Variants in PPP1R21 observed in about 807,000 individuals in gnomAD.
PPP1R21 encodes the protein protein phosphatase 1 regulatory subunit 21, also known as KLRAQ motif containing 1.
A neutral mutation model predicts 112.8 loss-of-function variants in PPP1R21; 85 were observed. The ratio of observed to expected loss-of-function variants is 0.75; its 90% confidence interval spans 0.63 to 0.90. The LOEUF is 0.90. PPP1R21 is among the 40% of genes least tolerant of loss of function. The pLI is 0.00. For synonymous variants in PPP1R21, 381 were observed against 322.3 expected (o/e 1.18, Z -1.95); for missense variants, 1,199 against 901.5 (o/e 1.33, Z -4.23).
intron 1 of PPP1R21, among the ~76,000 whole-genome samples, chr2:48,447,239 A>C (rs1204038596): frequency 6.6e-6 from 1 of 152,226 alleles, no homozygotes; most frequent in Non-Finnish European, 1.5e-5. Flanking sequence ...AAGTAGGGCC[A>C]GTAGGTAAAA....
intron 12 of PPP1R21, among the ~76,000 whole-genome samples, chr2:48,475,768 G>A (rs1572860743): frequency 6.6e-6 from 1 of 152,022 alleles, no homozygotes; most frequent in East Asian, 1.9e-4. Flanking sequence ...AATCGCGTGA[G>A]CCTGGGAGGC....
rs776234389 is a variant in PPP1R21 at position 48,440,877 on chromosome 2, G to A, written c.-77G>A. ...GCAGATACTGCCTGACCCGTTCCCG[G>A]GAGCGTGTCTGGGTTTGGGGGCGGG... On this transcript the variant is annotated 5_prime_UTR_variant, in exon 1 of 22. Transcript: ENST00000294952. The A allele has an allele frequency of 5.1e-5, 55 of 1,073,080 alleles. No individual in the cohort carries two copies. Among genetic ancestry groups the A allele is most frequent in the Non-Finnish European group, 6.8e-5 (49 of 720,446 alleles). The allele number at this position is 1,073,080 out of a possible 1,614,324, so 66.5% of individuals were successfully genotyped here. A position where few individuals can be genotyped will look rare whatever the true frequency, so the allele number is the denominator to read the frequency against.
intron 19 of PPP1R21, among the ~76,000 whole-genome samples, chr2:48,508,473 G>T (rs1488550375): frequency 6.6e-6 from 1 of 152,214 alleles, no homozygotes; most frequent in Admixed American, 6.5e-5. Context: ...GCTTAGCTCA[G>T]TGTTGTTCAC....
At chr2:48,443,780 A>G (rs368564565) in intron 1 of PPP1R21, among the ~76,000 whole-genome samples, 7 of 152,218 alleles carry the variant, frequency 4.6e-5, no homozygotes, top group African/African-American at 1.7e-4. Flanking sequence ...GCCTAAGAGT[A>G]TTCCACCTTT....
At chr2:48,485,888 C>T (rs62138866) in intron 13 of PPP1R21, among the ~76,000 whole-genome samples, 20 of 1,440 alleles carry the variant, frequency 0.014, no homozygotes, top group Middle Eastern at 0.25. Context: ...ATTGTATATA[C>T]TAACTAATAT....
intron 1 of PPP1R21, among the ~76,000 whole-genome samples, chr2:48,443,517 T>C (rs944486250): frequency 2.6e-5 from 4 of 152,104 alleles, no homozygotes; most frequent in African/African-American, 9.7e-5. Flanking sequence ...AGGGTAGAAA[T>C]TGGGAAACAC....
chr2:48,464,901 AT>A, intron 7 of PPP1R21, 35 bp from the exon 8 acceptor site: 1 of 1,513,240 alleles, frequency 6.6e-7, no homozygotes, highest in Non-Finnish European at 8.9e-7. Flanking sequence ...TATATGTGAA[AT>A]GAGAGACTTA....
intron 16 of PPP1R21, among the ~76,000 whole-genome samples, chr2:48,497,497 T>C (rs1331831658): frequency 6.6e-6 from 1 of 152,196 alleles, no homozygotes; most frequent in East Asian, 1.9e-4. Flanking sequence ...TACTGAACTT[T>C]TTATTAAATG....
intron 2 of PPP1R21, 169 bp from the exon 3 acceptor site, chr2:48,454,426 T>G (rs1667621015): frequency 1.4e-6 from 1 of 723,920 alleles, no homozygotes; most frequent in Non-Finnish European, 2.3e-6. Flanking sequence ...AAAGATTATC[T>G]TTTCACAAAG....
intron 15 of PPP1R21, among the ~76,000 whole-genome samples, chr2:48,491,744 G>A (rs1376426182): frequency 6.6e-6 from 1 of 151,820 alleles, no homozygotes; most frequent in African/African-American, 2.4e-5. Context: ...TGCATGTACT[G>A]TTTTAGAATA....
intron 13 of PPP1R21, 84 bp downstream of exon 13, chr2:48,480,100 C>A: frequency 2.2e-6 from 2 of 929,232 alleles, no homozygotes; most frequent in Non-Finnish European, 3.6e-6. Context: ...CAAACACTGC[C>A]AAGGGTAATA....
chr2:48,496,429 C>T (rs184551315), intron 16 of PPP1R21, among the ~76,000 whole-genome samples: 17 of 151,326 alleles, frequency 1.1e-4, no homozygotes, highest in African/African-American at 3.4e-4. Context: ...TGCTGCTGTA[C>T]AGAGAAGAAT....
chr2:48,491,986 T>G (rs1669588142), intron 15 of PPP1R21, among the ~76,000 whole-genome samples: 1 of 152,230 alleles, frequency 6.6e-6, no homozygotes, highest in Non-Finnish European at 1.5e-5. Flanking sequence ...TGGTGTTTCC[T>G]TCTGTAAATT....
chr2:48,461,213 A>G lies in PPP1R21; in HGVS notation c.675A>G (p.Lys225=). 6.3e-7 allele frequency: 1 copy of G among 1,582,000 alleles called. No individual in the cohort carries two copies. ...LEESLSIINE[K]VPFNDTKYSQ... is the part of the protein sequence containing the mutation. ...AATCCTTATCAATCATCAATGAAAAAGTACCTTTTAATGATACAAGTAGGT... is the reference window on the plus strand; with the variant it reads ...AATCCTTATCAATCATCAATGAAAAGGTACCTTTTAATGATACAAGTAGGT... Residue 225 remains lysine (K), a synonymous_variant, in exon 7 of 22, where the codon AAA becomes AAG. Transcript: ENST00000294952.
chr2:48,447,475 A>G (rs1288145245), intron 1 of PPP1R21, among the ~76,000 whole-genome samples: 3 of 152,196 alleles, frequency 2.0e-5, no homozygotes, highest in Non-Finnish European at 4.4e-5. Flanking sequence ...GTTTTTCTGT[A>G]CTAATAGAGA....
In PPP1R21 at chr2:48,491,148, C is replaced by A. The variant is rs780644720; in HGVS notation, c.1577C>A (p.Ala526Asp). Residue 526 changes from alanine to aspartate, a missense_variant, in exon 15 of 22, where the codon GCC (alanine) becomes GAC (aspartate). Physicochemically the swap from Ala to Asp is moderately radical, Grantham distance 126 (BLOSUM62 -2). Coordinates refer to ENST00000294952, the MANE Select transcript of PPP1R21 (RefSeq NM_001135629.3). ...CTACAGTATAAGAAAAAAGCTGCTG[C>A]CTATATGAAGTCTTTGAGAAAGGTT... ...CMLQYKKKAA[A>D]YMKSLRKPLL... The A allele has an allele frequency of 1.8e-5, 29 of 1,612,944 alleles. No homozygotes were observed. The highest frequency in any genetic ancestry group is 5.3e-5 in the African/African-American group (4 of 74,838).
At chr2:48,513,175 TTC>T (rs1201256064) in intron 21 of PPP1R21, among the ~76,000 whole-genome samples, 14 of 152,080 alleles carry the variant, frequency 9.2e-5, no homozygotes, top group African/African-American at 3.4e-4. Flanking sequence ...TTGCAGCTAC[TTC>T]AGAAGTTAGG....
chr2:48,510,155 T>C, intron 20 of PPP1R21, 42 bp downstream of exon 20: 1 of 1,470,278 alleles, frequency 6.8e-7, no homozygotes, highest in Non-Finnish European at 9.4e-7. Flanking sequence ...GTTTTTTCAT[T>C]GAAAGTTCTT....
At position 48,491,682 on chromosome 2, in the gene PPP1R21, A is replaced by G. The variant is rs1257971405; in HGVS notation, c.1599+512A>G. ...ATTTATATCCAAAAAATGTTATTAT[A>G]TGTTTGAGTGCACATGCACACACAT... is the stretch of plus-strand genomic sequence containing the variant. On this transcript the variant is annotated intron_variant, in intron 15 of 21. Coordinates refer to ENST00000294952, the MANE Select transcript of PPP1R21 (RefSeq NM_001135629.3). Among the ~76,000 whole-genome samples the G allele has an allele frequency of 4.6e-5, 7 of 152,304 alleles. No individual in the cohort carries two copies. In the East Asian group the frequency reaches 1.2e-3, roughly 25 times the overall value.
Sources: gnomAD v4.1 joint callset for allele counts (sites outside exome capture counted in the v4.1 genomes callset) on GRCh38, gnomAD v4.1.1 for gene constraint, MANE v1.5 for transcripts, NCBI Gene and HGNC (gene_info 2026-07-23, HGNC 2026-07-21) for gene names.